The following CHRNA9 variants were observed in gnomAD, a reference collection of about 807,000 sequenced individuals.
CHRNA9 encodes neuronal acetylcholine receptor subunit alpha-9.
CHRNA9 carries 24 observed loss-of-function variants against 36.8 expected under a neutral mutation model. The observed-to-expected ratio is 0.65, with a 90% CI of 0.47 to 0.92. The LOEUF is 0.92. Among genes scored for constraint, CHRNA9 ranks in the 40% least tolerant of loss-of-function variants. The probability of loss-of-function intolerance (pLI) is 0.00; values close to 1 mark genes in which losing one functional copy is unlikely to be tolerated. For synonymous variants in CHRNA9, 231 were observed against 231.8 expected (o/e 1.00, Z 0.03); for missense variants, 610 against 601.2 (o/e 1.01, Z -0.15).
chr4:40,345,292 T>A (rs1447964004), intron 3 of CHRNA9, among the ~76,000 whole-genome samples: 1 of 151,692 alleles, frequency 6.6e-6, no homozygotes, highest in Non-Finnish European at 1.5e-5. Context: ...TGGCTTGTAC[T>A]GGTAATCCCA....
At chr4:40,337,406 G>A in intron 3 of CHRNA9, 42 bp downstream of exon 3, 1 of 1,575,244 alleles carries the variant, frequency 6.3e-7, no homozygotes, top group South Asian at 1.1e-5. Context: ...GCATGAACGT[G>A]TTGATTTCAT....
intron 4 of CHRNA9, 108 bp downstream of exon 4, chr4:40,349,522 C>A: frequency 9.2e-7 from 1 of 1,088,662 alleles, no homozygotes; most frequent in Non-Finnish European, 1.3e-6. Flanking sequence ...CCAATTTCGA[C>A]TCAATACAGA....
Position 40,337,211 on chromosome 4 carries a change from A to T in CHRNA9, c.212A>T (p.Asp71Val). Residue 71 changes from aspartate (D) to valine (V), a missense_variant and splice_region_variant, in exon 3 of 5, where the codon GAT (aspartate) becomes GTT (valine). Transcript: ENST00000310169. Reference protein sequence around the residue: ...QITLSQIKDMDERNQILTAYL... With the variant: ...QITLSQIKDMVERNQILTAYL... ...GCGACATCTGGATTCATTGTGTAGG[A>T]TGAAAGAAACCAAATTCTGACTGCT... 6.2e-7 allele frequency: 1 copy of T among 1,614,148 alleles called. No individual in the cohort carries two copies. The highest frequency in any genetic ancestry group is 1.1e-5 in the South Asian group (1 of 91,066).
chr4:40,348,978 C>G lies in CHRNA9; in HGVS notation c.462C>G (p.Ser154=), dbSNP rs1473326983. ...TWDAPAITKS[S]CVVDVTYFPF... ...ATGCACCGGCCATCACCAAAAGCTC[C>G]TGTGTGGTGGATGTCACCTACTTCC... The change falls in exon 4 of 5, where the codon TCC becomes TCG. Residue 154 remains serine, a synonymous_variant. Coordinates refer to ENST00000310169, the MANE Select transcript of CHRNA9 (RefSeq NM_017581.4). 2 of 1,614,216 alleles carry G rather than the reference C, an allele frequency of 1.2e-6. No homozygotes were observed. The highest frequency in any genetic ancestry group is 1.7e-6 in the Non-Finnish European group (2 of 1,180,032).
chr4:40,346,814 T>A (rs190882632), intron 3 of CHRNA9, among the ~76,000 whole-genome samples: 1 of 151,964 alleles, frequency 6.6e-6, no homozygotes, highest in Non-Finnish European at 1.5e-5. Flanking sequence ...ATTTTATTTT[T>A]TTGTTGTTGT....
chr4:40,337,498 A>G, intron 3 of CHRNA9, 134 bp downstream of exon 3: 3 of 995,488 alleles, frequency 3.0e-6, no homozygotes, highest in Non-Finnish European at 4.2e-6. Flanking sequence ...ACTTACTGAA[A>G]TAAGAGACAT....
At chr4:40,343,733 A>C (rs1389516761) in intron 3 of CHRNA9, among the ~76,000 whole-genome samples, 2 of 152,310 alleles carry the variant, frequency 1.3e-5, no homozygotes, top group East Asian at 3.9e-4. Flanking sequence ...TAATTTTTTC[A>C]TGTTTTAGTT....
chr4:40,352,398 T>C (rs1227865754), intron 4 of CHRNA9, among the ~76,000 whole-genome samples: 1 of 152,184 alleles, frequency 6.6e-6, no homozygotes, highest in Non-Finnish European at 1.5e-5. Context: ...ATGTTTTTTA[T>C]ATTTTTAGTA....
intron 3 of CHRNA9, among the ~76,000 whole-genome samples, chr4:40,338,513 A>T (rs1712392034): frequency 6.6e-6 from 1 of 152,118 alleles, no homozygotes; most frequent in Admixed American, 6.5e-5. Context: ...GTGGAGTGGG[A>T]AGAGTTCCTC....
chr4:40,348,447 T>G (rs1369271220), intron 3 of CHRNA9, among the ~76,000 whole-genome samples: 2 of 152,232 alleles, frequency 1.3e-5, no homozygotes, highest in Non-Finnish European at 2.9e-5. Context: ...TGTACAACTT[T>G]TATAATAGCA....
At chr4:40,348,052 G>C (rs1256432519) in intron 3 of CHRNA9, 2 of 152,254 alleles carry the variant, frequency 1.3e-5, no homozygotes, top group Non-Finnish European at 2.9e-5. Flanking sequence ...TAGTGTTCAA[G>C]GCAGGAGGGA....
chr4:40,340,480 A>G (rs1712466196), intron 3 of CHRNA9, among the ~76,000 whole-genome samples: 1 of 152,144 alleles, frequency 6.6e-6, no homozygotes, highest in Admixed American at 6.5e-5. Flanking sequence ...GATCAGGCAA[A>G]GAAGGGCCCT....
chr4:40,349,682 C>T (rs1315792568), intron 4 of CHRNA9: 1 of 376,772 alleles, frequency 2.7e-6, no homozygotes, highest in East Asian at 4.2e-5. Context: ...AAGTGGTGGT[C>T]CCCAGATGCA....
intron 2 of CHRNA9, 104 bp downstream of exon 2, chr4:40,336,076 G>A: frequency 2.1e-6 from 2 of 946,384 alleles, no homozygotes; most frequent in Admixed American, 4.5e-5. Context: ...GGGAATGATA[G>A]CTCCTTAAGC....
In CHRNA9 at chr4:40,349,059, T is replaced by G. The variant is rs759057133; in HGVS notation, c.543T>G (p.Asn181Lys). ...TTGGTTCCTGGACCTACAATGGCAA[T>G]CAGGTGGACATATTCAACGCCTTGG... Reference protein sequence around the residue: ...LTFGSWTYNGNQVDIFNALDS... With the variant: ...LTFGSWTYNGKQVDIFNALDS... The change falls in exon 4 of 5, where the codon AAT becomes AAG. Residue 181 changes from asparagine to lysine, a missense_variant. Transcript: ENST00000310169. The G allele has an allele frequency of 9.9e-6, 16 of 1,613,996 alleles. No homozygotes were observed. In the Admixed American group the frequency reaches 2.7e-4, roughly 27 times the overall value.
chr4:40,343,215 T>A (rs997902864), intron 3 of CHRNA9, among the ~76,000 whole-genome samples: 3 of 152,208 alleles, frequency 2.0e-5, no homozygotes, highest in Non-Finnish European at 4.4e-5. Context: ...TTTGATCAGA[T>A]ACAGAAGAGG....
intron 3 of CHRNA9, among the ~76,000 whole-genome samples, chr4:40,346,430 A>G (rs1712639235): frequency 6.6e-6 from 1 of 152,200 alleles, no homozygotes; most frequent in South Asian, 2.1e-4. Context: ...GGAGTAGGCC[A>G]TCTATTTCCT....
intron 2 of CHRNA9, among the ~76,000 whole-genome samples, chr4:40,336,635 C>T (rs1404905009): frequency 7.1e-6 from 1 of 140,740 alleles, no homozygotes; most frequent in East Asian, 2.0e-4. Flanking sequence ...CGCCACCACA[C>T]CCGGCTAATT....
chr4:40,353,908 G>A (rs1338554737), intron 4 of CHRNA9, 71 bp from the exon 5 acceptor site: 4 of 1,333,990 alleles, frequency 3.0e-6, no homozygotes, highest in Non-Finnish European at 4.1e-6. Flanking sequence ...TATCCCTGTT[G>A]TTAAGTGACT....
Sources: allele counts gnomAD v4.1 joint callset (sites outside exome capture counted in the v4.1 genomes callset), GRCh38; gene constraint gnomAD v4.1.1; transcripts MANE v1.5; gene names NCBI Gene and HGNC (gene_info 2026-07-23, HGNC 2026-07-21).